Variants in TBC1D31 observed in about 807,000 individuals in gnomAD.
TBC1D31 encodes the protein TBC1 domain family member 31, also known as WD repeat domain 67.
A neutral mutation model predicts 132.9 loss-of-function variants in TBC1D31; 99 were observed. That is an observed-to-expected ratio of 0.74 (90% confidence interval 0.63 to 0.88). The LOEUF (loss-of-function observed/expected upper bound fraction) is 0.88. Among genes scored for constraint, TBC1D31 ranks in the 40% least tolerant of loss-of-function variants. The pLI is 0.00. For synonymous variants in TBC1D31, 385 were observed against 419.4 expected (o/e 0.92, Z 1.00); for missense variants, 1,134 against 1,256.6 (o/e 0.90, Z 1.48).
intron 10 of TBC1D31, among the ~76,000 whole-genome samples, chr8:123,110,562 A>C (rs1296063887): frequency 6.6e-6 from 1 of 152,152 alleles, no homozygotes; most frequent in African/African-American, 2.4e-5. Context: ...AATGTAACAA[A>C]TATCCCCATG....
chr8:123,119,552 A>G (rs1363569910), intron 10 of TBC1D31, among the ~76,000 whole-genome samples: 1 of 152,130 alleles, frequency 6.6e-6, no homozygotes, highest in African/African-American at 2.4e-5. Context: ...CTCTACCCGC[A>G]AGAAAGATTA....
chr8:123,162,820 C>A, the TBC1D31 span, among the ~76,000 whole-genome samples: 3 of 151,878 alleles, frequency 2.0e-5, no homozygotes, highest in Non-Finnish European at 4.4e-5. Flanking sequence ...AAACAGCAAG[C>A]ATGTGTTTTC....
chr8:123,126,769 T>A, intron 13 of TBC1D31, 82 bp downstream of exon 13: 1 of 1,308,520 alleles, frequency 7.6e-7, no homozygotes, highest in Non-Finnish European at 1.0e-6. Flanking sequence ...TGAGACAGAG[T>A]CTCGCTATGT....
At chr8:123,149,900 G>T (rs966404186) in intron 20 of TBC1D31, 136 bp from the exon 21 acceptor site, 2 of 558,844 alleles carry the variant, frequency 3.6e-6, no homozygotes, top group South Asian at 3.1e-5. Flanking sequence ...AATGTTGACC[G>T]CATTCTTCTT....
chr8:123,149,239 C>T (rs530830149), intron 20 of TBC1D31, among the ~76,000 whole-genome samples: 1 of 152,056 alleles, frequency 6.6e-6, no homozygotes, highest in East Asian at 1.9e-4. Flanking sequence ...AGTCCCCCAC[C>T]AGTTCAAATT....
At chr8:123,118,826 G>A (rs1174884212) in intron 10 of TBC1D31, among the ~76,000 whole-genome samples, 1 of 152,186 alleles carries the variant, frequency 6.6e-6, no homozygotes, top group East Asian at 1.9e-4. Context: ...ACAAACTCCT[G>A]GACCTAGGCA....
chr8:123,131,590 T>C (rs1036824051), intron 16 of TBC1D31, among the ~76,000 whole-genome samples: 6 of 152,176 alleles, frequency 3.9e-5, no homozygotes, highest in African/African-American at 1.4e-4. Context: ...AATATTCCAT[T>C]GAATTAATAG....
intron 10 of TBC1D31, among the ~76,000 whole-genome samples, chr8:123,112,390 C>T (rs755714690): frequency 2.0e-4 from 30 of 152,090 alleles, no homozygotes; most frequent in Non-Finnish European, 4.3e-4. Flanking sequence ...TTCCTTTGTC[C>T]TGTTACTTCT....
intron 17 of TBC1D31, among the ~76,000 whole-genome samples, chr8:123,140,527 A>G (rs1473944949): frequency 2.0e-5 from 3 of 152,170 alleles, no homozygotes; most frequent in African/African-American, 7.2e-5. Context: ...AATGCTGAAG[A>G]AGTTCATTTT....
intron 2 of TBC1D31, among the ~76,000 whole-genome samples, chr8:123,080,855 C>T (rs867906409): frequency 1.3e-5 from 2 of 152,086 alleles, no homozygotes; most frequent in South Asian, 4.1e-4. Context: ...CTTATATCTG[C>T]TTTTTCTCAT....
Position 123,083,200 on chromosome 8 carries a change from G to C in TBC1D31, c.340+383G>C, listed in dbSNP as rs568729998. 6.9e-5 allele frequency: 11 copies of C among 159,526 alleles called. No homozygotes were observed. In the East Asian group the frequency reaches 2.1e-3, roughly 30 times the overall value. The allele number at this position is 159,526 out of a possible 1,614,324, so 9.9% of individuals were successfully genotyped here. ...TCCTCAGGGATGCATTGCCCTCTCAGATGACACTCCCAGCATTGGTGTGTG... is the reference window on the plus strand; with the variant it reads ...TCCTCAGGGATGCATTGCCCTCTCACATGACACTCCCAGCATTGGTGTGTG... On this transcript the variant is annotated intron_variant, in intron 3 of 21. Transcript: ENST00000287380.
At chr8:123,100,705 T>G in intron 6 of TBC1D31, 102 bp from the exon 7 acceptor site, 1 of 756,316 alleles carries the variant, frequency 1.3e-6, no homozygotes, top group East Asian at 2.6e-5. Context: ...CACACACACA[T>G]ACATACACAA....
rs1260766103 is a variant in TBC1D31, at chr8:123,093,955, T to C, written c.671+213T>C. On this transcript the variant is annotated intron_variant, in intron 5 of 21. Coordinates refer to ENST00000287380, the MANE Select transcript of TBC1D31 (RefSeq NM_145647.4). ...TACATGAACCCCTAAGAATTTCTTC[T>C]TTTTTTTTGTTTGTGTGTGTGTGTT... Among the ~76,000 whole-genome samples the C allele has an allele frequency of 2.6e-5, 4 of 151,408 alleles. No homozygotes were observed. In the East Asian group the frequency reaches 7.7e-4, roughly 29 times the overall value.
intron 18 of TBC1D31, 74 bp downstream of exon 18, chr8:123,140,975 C>T (rs566025109): frequency 8.9e-6 from 12 of 1,355,806 alleles, no homozygotes; most frequent in African/African-American, 8.8e-5. Flanking sequence ...AGAACAAAAT[C>T]GAAATTAAAC....
At chr8:123,157,231 G>A in the TBC1D31 span, among the ~76,000 whole-genome samples, 22 of 152,138 alleles carry the variant, frequency 1.4e-4, no homozygotes, top group South Asian at 4.1e-4. Context: ...AAATTATTGT[G>A]CCCCGTGTGA....
intron 7 of TBC1D31, among the ~76,000 whole-genome samples, chr8:123,101,250 C>T (rs974261842): frequency 2.6e-5 from 4 of 152,254 alleles, no homozygotes; most frequent in African/African-American, 9.6e-5. Flanking sequence ...TTAGGTGTTA[C>T]TCATTATCTC....
chr8:123,076,789 A>G (rs762681252), intron 1 of TBC1D31, among the ~76,000 whole-genome samples: 3 of 152,182 alleles, frequency 2.0e-5, no homozygotes, highest in South Asian at 2.1e-4. Flanking sequence ...TATTTTTTTA[A>G]TATCTGTCCT....
downstream of TBC1D31, among the ~76,000 whole-genome samples, chr8:123,157,100 TATC>T (rs952939170): frequency 6.6e-5 from 10 of 152,350 alleles, no homozygotes; most frequent in African/African-American, 2.4e-4. Flanking sequence ...CGGGGGTACT[TATC>T]AGGTTCACCT....
At chr8:123,127,261 ATTTTTTTTTTTTTTTT>A (rs35198781) in intron 13 of TBC1D31, among the ~76,000 whole-genome samples, 2 of 69,924 alleles carry the variant, frequency 2.9e-5, no homozygotes, top group Non-Finnish European at 5.1e-5. Context: ...TGCTTTTTGC[ATTTTTTTTTTTTTTTT>A]TTTTTTTTTT....
Sources: allele counts gnomAD v4.1 joint callset (sites outside exome capture counted in the v4.1 genomes callset), GRCh38; gene constraint gnomAD v4.1.1; transcripts MANE v1.5; gene names NCBI Gene and HGNC (gene_info 2026-07-23, HGNC 2026-07-21).